PRMT8: variants seen among roughly 807,000 people sequenced by gnomAD.
The protein encoded by PRMT8 is protein arginine N-methyltransferase 8.
In PRMT8, 7 loss-of-function variants were observed where a neutral mutation model predicts 47.1. The observed-to-expected ratio is 0.15, with a 90% CI of 0.08 to 0.28. The LOEUF (loss-of-function observed/expected upper bound fraction) is 0.28, where lower values mean the gene tolerates loss of function less well. PRMT8 is among the 10% of genes least tolerant of loss of function. The probability of loss-of-function intolerance (pLI) is 1.00; values close to 1 mark genes in which losing one functional copy is unlikely to be tolerated. For missense variants in PRMT8, 237 were observed against 505.4 expected, an observed-to-expected ratio of 0.47 and a Z score of 5.09; for synonymous variants, 188 against 186.5, an observed-to-expected ratio of 1.01 and a Z score of -0.07.
chr12:3,418,041 T>C (rs551866195), intron 1 of PRMT8, among the ~76,000 whole-genome samples: 48 of 152,362 alleles, frequency 3.2e-4, no homozygotes, highest in Middle Eastern at 3.4e-3. Flanking sequence ...AATGAGTTCA[T>C]GCATGCAAGA....
chr12:3,406,010 G>C (rs991096293), intron 1 of PRMT8, among the ~76,000 whole-genome samples: 2 of 152,228 alleles, frequency 1.3e-5, no homozygotes, highest in Non-Finnish European at 2.9e-5. Flanking sequence ...CTCCACCCCT[G>C]CAGCAGACTT....
At chr12:3,530,103 G>A (rs1866006511) in intron 1 of PRMT8, among the ~76,000 whole-genome samples, 2 of 152,126 alleles carry the variant, frequency 1.3e-5, no homozygotes, top group South Asian at 2.1e-4. Context: ...GACATTTTGA[G>A]TACCACTGAA....
chr12:3,440,450 AG>A (rs554848986), intron 1 of PRMT8, among the ~76,000 whole-genome samples: 223 of 145,994 alleles, frequency 1.5e-3, no homozygotes, highest in African/African-American at 4.9e-3. Context: ...AGACAGAGCA[AG>A]ACTCCGTCAA....
At position 3,415,757 on chromosome 12, in the gene PRMT8, C is replaced by G. The variant is rs549600569; in HGVS notation, c.48+34315C>G. On this transcript the variant is annotated intron_variant, in intron 1 of 9. Transcript: ENST00000452611. ...AAGGAATCAGTACATCTTCTCCAAACCCCTCACTGTCGTTGTATGCATGCA... is the reference window on the plus strand; with the variant it reads ...AAGGAATCAGTACATCTTCTCCAAAGCCCTCACTGTCGTTGTATGCATGCA... 2.6e-5 allele frequency among the ~76,000 whole-genome samples: 4 copies of G among 152,344 alleles called. No homozygotes were observed. In the East Asian group the frequency reaches 7.7e-4, roughly 29 times the overall value.
At chr12:3,392,368 C>G (rs1211811231) in intron 1 of PRMT8, among the ~76,000 whole-genome samples, 3 of 117,124 alleles carry the variant, frequency 2.6e-5, no homozygotes, top group South Asian at 3.7e-4. Flanking sequence ...CCCCTCCCCC[C>G]ACCCCACAAC....
chr12:3,562,780 C>A (rs1052670950), intron 4 of PRMT8, among the ~76,000 whole-genome samples: 1 of 152,190 alleles, frequency 6.6e-6, no homozygotes, highest in African/African-American at 2.4e-5. Flanking sequence ...AAGATGGGGC[C>A]ATGCTGAGAG....
intron 1 of PRMT8, among the ~76,000 whole-genome samples, chr12:3,449,059 A>G (rs1864890255): frequency 6.6e-6 from 1 of 152,200 alleles, no homozygotes; most frequent in Non-Finnish European, 1.5e-5. Context: ...CCTGCAAAGG[A>G]CATTATCTCA....
chr12:3,448,098 G>C (rs1591552605), intron 1 of PRMT8, among the ~76,000 whole-genome samples: 1 of 152,216 alleles, frequency 6.6e-6, no homozygotes, highest in African/African-American at 2.4e-5. Flanking sequence ...CTGGGCTCAA[G>C]CGATCCTCCA....
At chr12:3,480,655 C>A (rs1565418279) in intron 1 of PRMT8, among the ~76,000 whole-genome samples, 1 of 151,770 alleles carries the variant, frequency 6.6e-6, no homozygotes, top group Admixed American at 6.6e-5. Context: ...GCTTCCTCCC[C>A]CCACCGCTTT....
Position 3,413,314 on chromosome 12 carries a change from C to CT in PRMT8, c.48+31875dup, listed in dbSNP as rs1380101614. 2.0e-5 allele frequency among the ~76,000 whole-genome samples: 3 copies of CT among 152,302 alleles called. No individual in the cohort carries two copies. In the East Asian group the frequency reaches 5.8e-4, roughly 29 times the overall value. ...CCATATAGGATGTGTCTTGCCTCCCCTTTGTTTTCTGCCATGATGGTGAGG... is the reference window on the plus strand; with the variant it reads ...CCATATAGGATGTGTCTTGCCTCCCCTTTTGTTTTCTGCCATGATGGTGAGG... On this transcript the variant is annotated intron_variant, in intron 1 of 9. Coordinates refer to the PRMT8 transcript ENST00000452611.
intron 1 of PRMT8, among the ~76,000 whole-genome samples, chr12:3,484,966 G>A (rs1397139164): frequency 1.3e-5 from 2 of 152,198 alleles, no homozygotes; most frequent in Non-Finnish European, 2.9e-5. Flanking sequence ...GGGGTGGCAG[G>A]CTGCTATCAA....
intron 1 of PRMT8, among the ~76,000 whole-genome samples, chr12:3,475,154 C>T (rs1053484989): frequency 3.3e-5 from 5 of 152,160 alleles, no homozygotes; most frequent in Non-Finnish European, 7.3e-5. Flanking sequence ...GCTGGGCCCT[C>T]ACTTCGCCTA....
At chr12:3,513,859 C>A (rs967121459) in intron 1 of PRMT8, among the ~76,000 whole-genome samples, 1 of 152,246 alleles carries the variant, frequency 6.6e-6, no homozygotes, top group African/African-American at 2.4e-5. Context: ...CAGATCCATT[C>A]CCTACAGTAT....
At chr12:3,513,121 G>C (rs1865737377) in intron 1 of PRMT8, among the ~76,000 whole-genome samples, 2 of 152,112 alleles carry the variant, frequency 1.3e-5, no homozygotes, top group African/African-American at 4.8e-5. Context: ...CACTCTCCTT[G>C]GAAAGGAAGA....
rs1452657953 is a variant in PRMT8, at chr12:3,538,848, C to T, written c.76-1758C>T. The T allele has an allele frequency of 8.7e-6, 4 of 457,804 alleles. No homozygotes were observed. The highest frequency in any genetic ancestry group is 1.8e-5 in the Non-Finnish European group (4 of 227,686). The allele number at this position is 457,804 out of a possible 1,614,324, so 28.4% of individuals were successfully genotyped here. The stretch of plus-strand genomic sequence containing the variant: ...GCAGCCCCACTCGCCTTTGCCAGCC[C>T]GCCCGGGATCTCACCGACGTGAAAT... On this transcript the variant is annotated intron_variant, in intron 1 of 9. Coordinates refer to ENST00000382622, the MANE Select transcript of PRMT8 (RefSeq NM_019854.5). The surrounding 1 kb of genome is among the most constrained non-coding windows in gnomAD (Gnocchi z 4.6).
rs1310741481 is a variant in PRMT8, at chr12:3,580,822, A to G, written c.829-2236A>G. 1.3e-5 allele frequency among the ~76,000 whole-genome samples: 2 copies of G among 152,220 alleles called. No homozygotes were observed. Among genetic ancestry groups the G allele is most frequent in the African/African-American group, 4.8e-5 (2 of 41,456 alleles). ...AGGTGATGGAAAAGTCAGTAAGGGTAGACACTGTGATGCCATTAACAACAA... is the reference window on the plus strand; with the variant it reads ...AGGTGATGGAAAAGTCAGTAAGGGTGGACACTGTGATGCCATTAACAACAA... On this transcript the variant is annotated intron_variant, in intron 7 of 9. Transcript: ENST00000382622. The surrounding 1 kb of genome is among the most constrained non-coding windows in gnomAD (Gnocchi z 4.6).
rs76733975 is a variant in PRMT8 at position 3,477,947 on chromosome 12, T to C, written c.49-62659T>C. 3.1e-3 allele frequency among the ~76,000 whole-genome samples: 465 copies of C among 152,332 alleles called. 2 individuals are homozygous for C. The highest frequency in any genetic ancestry group is 0.01 in the African/African-American group (424 of 41,574). On this transcript the variant is annotated intron_variant, in intron 1 of 9. Coordinates refer to the PRMT8 transcript ENST00000452611. ...TTCCTTCCTTTCTCTTAGGTTGTAT[T>C]CTGTATAATCACAGTAGCTGGATGT...
chr12:3,385,329 C>A (rs1315915741), intron 1 of PRMT8, among the ~76,000 whole-genome samples: 1 of 152,190 alleles, frequency 6.6e-6, no homozygotes, highest in African/African-American at 2.4e-5. Flanking sequence ...CATACCACTT[C>A]CCCAGGAAAG....
At chr12:3,553,965 C>G (rs1866476857) in intron 4 of PRMT8, among the ~76,000 whole-genome samples, 1 of 152,168 alleles carries the variant, frequency 6.6e-6, no homozygotes, top group African/African-American at 2.4e-5. Context: ...TCCCGAGTTG[C>G]CAGACCCTTT....
Sources: gnomAD v4.1 joint callset for allele counts (sites outside exome capture counted in the v4.1 genomes callset) on GRCh38, gnomAD v4.1.1 for gene constraint, Gnocchi (gnomAD v3.1) non-coding constraint, MANE v1.5 for transcripts, NCBI Gene and HGNC (gene_info 2026-07-23, HGNC 2026-07-21) for gene names.